The following POGZ variants were observed in gnomAD, a reference collection of about 807,000 sequenced individuals.
POGZ encodes pogo transposable element derived with ZNF domain.
Under a neutral mutation model 134.6 loss-of-function variants are expected in POGZ, and 17 were observed. The ratio of observed to expected loss-of-function variants is 0.13; its 90% CI spans 0.09 to 0.19. The LOEUF (loss-of-function observed/expected upper bound fraction) is 0.19, where lower values mean the gene tolerates loss of function less well. Ranked by LOEUF, POGZ falls within the 10% of genes least tolerant of loss-of-function variation. The probability of loss-of-function intolerance (pLI) is 1.00; values close to 1 mark genes in which losing one functional copy is unlikely to be tolerated. For missense variants in POGZ, 1,306 were observed against 1,769.7 expected (o/e 0.74, Z 4.70); for synonymous variants, 693 against 657.1 (o/e 1.05, Z -0.84).
chr1:151,406,703 A>G, intron 17 of POGZ, 72 bp from the exon 18 acceptor site: 1 of 1,310,364 alleles, frequency 7.6e-7, no homozygotes, highest in Non-Finnish European at 1.1e-6. Context: ...GTGCCCTGGG[A>G]TTCAACTTAC....
At chr1:151,444,720 T>C (rs1661025541) in intron 1 of POGZ, among the ~76,000 whole-genome samples, 1 of 152,236 alleles carries the variant, frequency 6.6e-6, no homozygotes, top group Admixed American at 6.5e-5. Context: ...GTATTTACAA[T>C]ACCTTAAGAG....
intron 1 of POGZ, among the ~76,000 whole-genome samples, chr1:151,446,526 C>CG (rs746058809): frequency 1.1e-4 from 17 of 152,062 alleles, no homozygotes; most frequent in African/African-American, 9.6e-5. Flanking sequence ...GAGGCCGAGG[C>CG]GGGGGGATCA....
chr1:151,442,261 A>T, intron 1 of POGZ, 56 bp from the exon 2 acceptor site: 1 of 1,518,212 alleles, frequency 6.6e-7, no homozygotes, highest in Non-Finnish European at 9.0e-7. Flanking sequence ...ATATTGCTTT[A>T]TACCAAATAT....
chr1:151,447,639 C>T (rs1209757758), intron 1 of POGZ, among the ~76,000 whole-genome samples: 1 of 122,354 alleles, frequency 8.2e-6, no homozygotes, highest in Non-Finnish European at 1.6e-5. Flanking sequence ...CCATGTCTGG[C>T]TAATTTTTTT....
Position 151,403,522 on chromosome 1 carries a change from C to A in POGZ, c.*1280G>T. 1.0e-6 allele frequency: 1 copy of A among 985,458 alleles called. No homozygotes were observed. 61.0% of individuals were successfully genotyped at this position (985,458 alleles called of 1,614,324 possible). ...TTTTGCTCCTTTTCTCTGTACGGTA[C>A]AGTACGTTTTGGTTTACAACCATGA... On this transcript the variant is annotated 3_prime_UTR_variant, in exon 19 of 19. Transcript: ENST00000271715.
At chr1:151,417,115 G>A (rs983473359) in intron 10 of POGZ, among the ~76,000 whole-genome samples, 6 of 151,080 alleles carry the variant, frequency 4.0e-5, no homozygotes, top group Non-Finnish European at 7.4e-5. Context: ...CCAGGGTGGA[G>A]TGCAATGGTG....
intron 1 of POGZ, among the ~76,000 whole-genome samples, chr1:151,444,515 A>C (rs1313157453): frequency 6.6e-6 from 1 of 152,240 alleles, no homozygotes; most frequent in Non-Finnish European, 1.5e-5. Context: ...GAATGAATAT[A>C]AACTGTGGAC....
chr1:151,428,631 T>C (rs577161545), intron 5 of POGZ, among the ~76,000 whole-genome samples: 2 of 152,270 alleles, frequency 1.3e-5, no homozygotes, highest in South Asian at 4.1e-4. Flanking sequence ...AAGACTCCCA[T>C]CAACTCCTCC....
rs34480197 is a variant in POGZ at position 151,413,103 on chromosome 1, CTT to C, written c.1679-709_1679-708del. On this transcript the variant is annotated intron_variant, in intron 10 of 18. Coordinates refer to ENST00000271715, the MANE Select transcript of POGZ (RefSeq NM_015100.4). ...ATAGGTGTGAGCCACCGTGCCTGGG[CTT>C]TTTTTTTTTTTTTTTTTTTTAAGAG... is the stretch of plus-strand genomic sequence containing the variant. Among the ~76,000 whole-genome samples, 482 of 92,842 alleles carry C rather than the reference CTT, an allele frequency of 5.2e-3. 5 individuals are homozygous for C. The highest frequency in any genetic ancestry group is 0.015 in the African/African-American group (349 of 23,246). 60.9% of individuals were successfully genotyped at this position (92,842 alleles called of 152,430 possible).
At position 151,424,165 on chromosome 1, in the gene POGZ, G is replaced by C; in HGVS notation, c.1307C>G (p.Pro436Arg). 6 of 1,614,080 alleles carry C rather than the reference G, an allele frequency of 3.7e-6. No homozygotes were observed. The highest frequency in any genetic ancestry group is 5.1e-6 in the Non-Finnish European group (6 of 1,179,968). Residue 436 changes from proline (P) to arginine (R), a missense_variant, in exon 9 of 19, where the codon CCC becomes CGC. Coordinates refer to ENST00000271715, the MANE Select transcript of POGZ (RefSeq NM_015100.4). ...PEKTAPVAST[P>R]SSTPIPALSP... ...CAGAGCAGGAATAGGTGTAGAAGAGGGTGTGGAAGCAACAGGAGCTGTTTT... is the reference window on the plus strand; with the variant it reads ...CAGAGCAGGAATAGGTGTAGAAGAGCGTGTGGAAGCAACAGGAGCTGTTTT...
At chr1:151,424,878 C>G (rs1398132563) in intron 8 of POGZ, 77 bp downstream of exon 8, 11 of 757,670 alleles carry the variant, frequency 1.5e-5, no homozygotes, top group Non-Finnish European at 6.9e-6. Flanking sequence ...TTTAGAGCCC[C>G]TGCTTACAAG....
chr1:151,422,622 G>A (rs760888280), intron 10 of POGZ, among the ~76,000 whole-genome samples: 9 of 150,760 alleles, frequency 6.0e-5, no homozygotes, highest in Non-Finnish European at 1.2e-4. Flanking sequence ...ATGGAGTTTT[G>A]CTCTTGTTGC....
rs1371029787 is a variant in POGZ, at chr1:151,459,185, G to A, written c.-35C>T. 6.6e-6 allele frequency: 1 copy of A among 151,498 alleles called. No homozygotes were observed. Among genetic ancestry groups the A allele is most frequent in the Non-Finnish European group, 1.5e-5 (1 of 67,720 alleles). The allele number at this position is 151,498 out of a possible 1,614,324, so 9.4% of individuals were successfully genotyped here. On this transcript the variant is annotated 5_prime_UTR_variant, in exon 1 of 19. Transcript: ENST00000271715. ...GTCGTCGCCGCCGGTAGTCTGACCC[G>A]AGGAAGGCGCCGTCGCCTTAAAGGG...
chr1:151,455,894 CTTTTTTTTT>C (rs768038263), intron 1 of POGZ, among the ~76,000 whole-genome samples: 7 of 117,590 alleles, frequency 6.0e-5, no homozygotes, highest in East Asian at 2.7e-4. Context: ...TAGTTTCTTT[CTTTTTTTTT>C]TTTTTTTTTT....
intron 3 of POGZ, among the ~76,000 whole-genome samples, chr1:151,436,689 C>CT (rs1205129075): frequency 1.3e-5 from 2 of 152,102 alleles, no homozygotes; most frequent in Non-Finnish European, 2.9e-5. Context: ...TATTTCATTC[C>CT]TTTTTATGGG....
Position 151,404,759 on chromosome 1 carries a change from CAT to C in POGZ, c.*41_*42del, listed in dbSNP as rs773099326. The C allele has an allele frequency of 3.2e-6, 5 of 1,540,192 alleles. No homozygotes were observed. Among genetic ancestry groups the C allele is most frequent in the Admixed American group, 4.1e-5 (2 of 49,308 alleles). On this transcript the variant is annotated 3_prime_UTR_variant, in exon 19 of 19. Transcript: ENST00000271715. ...CCCTAAGCCCCTTTACCCTCCCTCA[CAT>C]GTTCCCACCCTCACTCCACACCCCC...
chr1:151,426,087 C>T (rs1044123770), intron 7 of POGZ: 1 of 152,130 alleles, frequency 6.6e-6, no homozygotes, highest in African/African-American at 2.4e-5. Flanking sequence ...TTTTGATTTG[C>T]ATTTCCATAA....
intron 1 of POGZ, among the ~76,000 whole-genome samples, chr1:151,458,950 C>A (rs1166194623): frequency 5.5e-5 from 8 of 144,952 alleles, no homozygotes; most frequent in Admixed American, 1.4e-4. Context: ...CGCGCCGCAC[C>A]CCGCGGCCGC....
intron 1 of POGZ, among the ~76,000 whole-genome samples, chr1:151,458,571 G>T (rs917300251): frequency 6.6e-6 from 1 of 150,744 alleles, no homozygotes; most frequent in Admixed American, 6.6e-5. Context: ...GGGGCGGGGA[G>T]GGCCGCGCAC....
Sources: allele counts gnomAD v4.1 joint callset (sites outside exome capture counted in the v4.1 genomes callset), GRCh38; gene constraint gnomAD v4.1.1; transcripts MANE v1.5; gene names NCBI Gene and HGNC (gene_info 2026-07-23, HGNC 2026-07-21).